Variants in MARCHF11 observed in about 807,000 individuals in gnomAD.
MARCHF11 encodes the protein E3 ubiquitin-protein ligase MARCHF11.
MARCHF11 carries 29 observed loss-of-function variants against 37.3 expected under a neutral mutation model. The ratio of observed to expected loss-of-function variants is 0.78; its 90% CI spans 0.58 to 1.06. The LOEUF is 1.06. Ranked by LOEUF, MARCHF11 falls within the 50% of genes least tolerant of loss-of-function variation. The probability of loss-of-function intolerance (pLI) is 0.00; values close to 1 mark genes in which losing one functional copy is unlikely to be tolerated. For synonymous variants in MARCHF11, 233 were observed against 228.0 expected, an observed-to-expected ratio of 1.02 and a Z score of -0.20; for missense variants, 482 against 533.4, an observed-to-expected ratio of 0.90 and a Z score of 0.95.
intron 3 of MARCHF11, among the ~76,000 whole-genome samples, chr5:16,087,553 C>T (rs1736719083): frequency 6.6e-6 from 1 of 152,128 alleles, no homozygotes; most frequent in Non-Finnish European, 1.5e-5. Flanking sequence ...TCTCACTAGC[C>T]ATATTTCAAG....
At chr5:16,111,975 C>T (rs1357380122) in intron 2 of MARCHF11, among the ~76,000 whole-genome samples, 1 of 152,304 alleles carries the variant, frequency 6.6e-6, no homozygotes, top group South Asian at 2.1e-4. Flanking sequence ...TGGCATTGAG[C>T]CTGCAGGTGT....
Position 16,179,529 on chromosome 5 carries a change from T to A in MARCHF11, c.47A>T (p.Glu16Val). The change falls in exon 1 of 4, where the codon GAG becomes GTG. Residue 16 changes from glutamate (E) to valine (V), a missense_variant. Coordinates refer to ENST00000332432, the MANE Select transcript of MARCHF11 (RefSeq NM_001102562.3). ...GHGGSRCRGA[E>V]SGDAEPPPQP... Reference sequence around the variant, plus strand: ...CGGGGGAGGCTCGGCGTCCCCGCTCTCCGCCCCGCGACACCGACTGCCGCC... The same window carrying A: ...CGGGGGAGGCTCGGCGTCCCCGCTCACCGCCCCGCGACACCGACTGCCGCC... 1.7e-6 allele frequency: 2 copies of A among 1,179,174 alleles called. No individual in the cohort carries two copies. Among genetic ancestry groups the A allele is most frequent in the Non-Finnish European group, 2.1e-6 (2 of 954,916 alleles). 73.0% of individuals were successfully genotyped at this position (1,179,174 alleles called of 1,614,324 possible).
rs1198390150 is a variant in MARCHF11 at position 16,179,615 on chromosome 5, G to A, written c.-40C>T. 1.7e-6 allele frequency: 2 copies of A among 1,152,658 alleles called. No homozygotes were observed. The highest frequency in any genetic ancestry group is 1.1e-6 in the Non-Finnish European group (1 of 936,946). The allele number at this position is 1,152,658 out of a possible 1,614,324, so 71.4% of individuals were successfully genotyped here. A position where few individuals can be genotyped will look rare whatever the true frequency, so the allele number is the denominator to read the frequency against. On this transcript the variant is annotated 5_prime_UTR_variant, in exon 1 of 4. Transcript: ENST00000332432. ...CGCCCTCCTGCCGGCCCGGCTGGCGGGCCGGGCTCTGGCTGCAGGGAAAGA... is the reference window on the plus strand; with the variant it reads ...CGCCCTCCTGCCGGCCCGGCTGGCGAGCCGGGCTCTGGCTGCAGGGAAAGA...
chr5:16,088,086 A>C (rs1334467855), intron 3 of MARCHF11, among the ~76,000 whole-genome samples: 1 of 152,184 alleles, frequency 6.6e-6, no homozygotes, highest in Non-Finnish European at 1.5e-5. Context: ...AGCCAATCTC[A>C]CATCTTCCCA....
chr5:16,140,543 G>C (rs1737685319), intron 2 of MARCHF11, among the ~76,000 whole-genome samples: 1 of 152,088 alleles, frequency 6.6e-6, no homozygotes, highest in African/African-American at 2.4e-5. Flanking sequence ...TAAAGAAACA[G>C]CTCATTCCAA....
chr5:16,092,140 T>C (rs1736799429), intron 2 of MARCHF11, among the ~76,000 whole-genome samples: 1 of 152,218 alleles, frequency 6.6e-6, no homozygotes, highest in Non-Finnish European at 1.5e-5. Context: ...TCTGAACTTA[T>C]GCATCCCCAA....
intron 2 of MARCHF11, among the ~76,000 whole-genome samples, chr5:16,158,117 C>T (rs1028038064): frequency 2.0e-4 from 31 of 151,806 alleles, no homozygotes; most frequent in African/African-American, 7.3e-4. Context: ...AAATTAAAAC[C>T]AGAACGACAC....
intron 2 of MARCHF11, among the ~76,000 whole-genome samples, chr5:16,157,495 A>G (rs926597931): frequency 1.3e-5 from 2 of 151,996 alleles, no homozygotes; most frequent in Non-Finnish European, 2.9e-5. Flanking sequence ...AAAAACAGAC[A>G]TGTGGATGAA....
intron 2 of MARCHF11, among the ~76,000 whole-genome samples, chr5:16,101,869 GAAC>G (rs1296715337): frequency 2.0e-5 from 3 of 152,220 alleles, no homozygotes; most frequent in Non-Finnish European, 4.4e-5. Flanking sequence ...CTGGTAGTCA[GAAC>G]AACACTGTTA....
chr5:16,140,544 C>T (rs998028592), intron 2 of MARCHF11, among the ~76,000 whole-genome samples: 1 of 152,154 alleles, frequency 6.6e-6, no homozygotes, highest in African/African-American at 2.4e-5. Context: ...AAAGAAACAG[C>T]TCATTCCAAT....
chr5:16,071,882 A>G (rs1308105474), intron 3 of MARCHF11, among the ~76,000 whole-genome samples: 1 of 152,220 alleles, frequency 6.6e-6, no homozygotes, highest in Non-Finnish European at 1.5e-5. Flanking sequence ...CTGTGCAAAG[A>G]GCTTTACACG....
intron 2 of MARCHF11, among the ~76,000 whole-genome samples, chr5:16,137,615 A>T (rs1737629265): frequency 6.6e-6 from 1 of 152,234 alleles, no homozygotes; most frequent in Non-Finnish European, 1.5e-5. Flanking sequence ...GGTAACAGGC[A>T]GAGGTTGGAA....
At chr5:16,091,104 T>G in intron 2 of MARCHF11, 23 bp from the exon 3 acceptor site, 1 of 1,523,550 alleles carries the variant, frequency 6.6e-7, no homozygotes. Context: ...CAGAGGCATG[T>G]AAGAAAGGAG....
intron 3 of MARCHF11, among the ~76,000 whole-genome samples, chr5:16,090,666 A>C (rs1338673540): frequency 6.6e-6 from 1 of 152,028 alleles, no homozygotes. Flanking sequence ...ATCTCACTTT[A>C]AATGGGCATT....
chr5:16,078,292 T>A (rs1031095202), intron 3 of MARCHF11, among the ~76,000 whole-genome samples: 3 of 152,182 alleles, frequency 2.0e-5, no homozygotes, highest in African/African-American at 7.2e-5. Flanking sequence ...ACAGTATCTG[T>A]GCCTCCTAAG....
chr5:16,099,228 A>C (rs1736917361), intron 2 of MARCHF11, among the ~76,000 whole-genome samples: 1 of 152,324 alleles, frequency 6.6e-6, no homozygotes, highest in South Asian at 2.1e-4. Flanking sequence ...CTAAGAAAGA[A>C]ATATGAATTT....
intron 3 of MARCHF11, among the ~76,000 whole-genome samples, chr5:16,078,655 C>T (rs993059719): frequency 6.6e-6 from 1 of 152,170 alleles, no homozygotes; most frequent in South Asian, 2.1e-4. Context: ...GGGCAGGGTT[C>T]GTTCTGAAGT....
chr5:16,088,306 C>T (rs1736733504), intron 3 of MARCHF11, among the ~76,000 whole-genome samples: 1 of 152,188 alleles, frequency 6.6e-6, no homozygotes, highest in Non-Finnish European at 1.5e-5. Flanking sequence ...CCTGCCTGTC[C>T]TCCTCATGAG....
chr5:16,164,124 T>C (rs1452755992), intron 2 of MARCHF11, among the ~76,000 whole-genome samples: 1 of 152,112 alleles, frequency 6.6e-6, no homozygotes, highest in African/African-American at 2.4e-5. Flanking sequence ...CAGTCTGGTG[T>C]AGTTTGTTAT....
Sources: gnomAD v4.1 joint callset for allele counts (sites outside exome capture counted in the v4.1 genomes callset) on GRCh38, gnomAD v4.1.1 for gene constraint, MANE v1.5 for transcripts, NCBI Gene and HGNC (gene_info 2026-07-23, HGNC 2026-07-21) for gene names.